CFAP91: variants seen among roughly 807,000 people sequenced by gnomAD.
CFAP91 encodes the protein cilia and flagella associated protein 91, also known as cilia- and flagella-associated protein 91.
CFAP91 carries 85 observed loss-of-function variants against 95.9 expected under a neutral mutation model. The ratio of observed to expected loss-of-function variants is 0.89; its 90% CI spans 0.74 to 1.06. The LOEUF is 1.06. Ranked by LOEUF, CFAP91 falls within the 50% of genes least tolerant of loss-of-function variation. The pLI, the probability that CFAP91 is intolerant of heterozygous loss-of-function variation, is 0.00. For synonymous variants in CFAP91, 335 were observed against 327.5 expected (o/e 1.02, Z -0.25); for missense variants, 962 against 943.4 (o/e 1.02, Z -0.26).
intron 14 of CFAP91, among the ~76,000 whole-genome samples, chr3:119,744,802 G>A (rs1214196866): frequency 6.6e-6 from 1 of 152,190 alleles, no homozygotes; most frequent in Non-Finnish European, 1.5e-5. Context: ...GGCCGAAGAT[G>A]TAAATTTGGA....
Position 119,730,231 on chromosome 3 carries a change from T to G in CFAP91, c.872T>G (p.Ile291Ser). ...TAATTTACTTGAAGACTGCAGGAGA[T>G]TCGCCTGGAAGTTCTAAAAGAGCTG... The part of the protein sequence containing the change: ...REQEIEKLQE[I>S]RLEVLKELLR... Residue 291 changes from isoleucine to serine, a missense_variant, in exon 8 of 18, where the codon ATT becomes AGT. Ile to Ser is a moderately radical substitution (Grantham distance 142). Transcript: ENST00000273390. The G allele has an allele frequency of 6.2e-7, 1 of 1,613,622 alleles. No homozygotes were observed. The highest frequency in any genetic ancestry group is 8.5e-7 in the Non-Finnish European group (1 of 1,179,894).
intron 17 of CFAP91, among the ~76,000 whole-genome samples, chr3:119,760,299 G>T (rs1265243184): frequency 6.6e-6 from 1 of 151,830 alleles, no homozygotes; most frequent in Non-Finnish European, 1.5e-5. Context: ...AAAGGTCATT[G>T]TGTGGTGATA....
intron 8 of CFAP91, 54 bp downstream of exon 8, chr3:119,730,431 A>C: frequency 1.3e-6 from 2 of 1,554,270 alleles, no homozygotes; most frequent in Non-Finnish European, 1.8e-6. Context: ...TTTGCTTTGG[A>C]TCTTTGACCA....
Position 119,730,234 on chromosome 3 carries a change from G to T in CFAP91, c.875G>T (p.Arg292Leu), listed in dbSNP as rs201238294. The T allele has an allele frequency of 1.7e-4, 277 of 1,613,600 alleles. 2 individuals are homozygous for T. The highest frequency in any genetic ancestry group is 1.5e-3 in the Middle Eastern group (9 of 6,060). ...EQEIEKLQEIRLEVLKELLRK... is the reference protein window; with the variant it reads ...EQEIEKLQEILLEVLKELLRK... The stretch of plus-strand genomic sequence containing the variant: ...TTTACTTGAAGACTGCAGGAGATTC[G>T]CCTGGAAGTTCTAAAAGAGCTGTTG... Residue 292 changes from arginine to leucine, a missense_variant, in exon 8 of 18, where the codon CGC becomes CTC. Coordinates refer to ENST00000273390, the MANE Select transcript of CFAP91 (RefSeq NM_033364.4).
Position 119,753,826 on chromosome 3 carries a change from C to A in CFAP91, c.*1+2728C>A, listed in dbSNP as rs934013555. On this transcript the variant is annotated intron_variant, in intron 17 of 17. Coordinates refer to ENST00000273390, the MANE Select transcript of CFAP91 (RefSeq NM_033364.4). ...CCTCATCCCCTTCCCACTCTTCCCC[C>A]CAAGTCCGCACAGTCCATTGTATCA... Among the ~76,000 whole-genome samples the A allele has an allele frequency of 2.0e-4, 30 of 152,340 alleles. No individual in the cohort carries two copies. In the East Asian group the frequency reaches 2.3e-3, roughly 12 times the overall value.
rs1050940794 is a variant in CFAP91, at chr3:119,758,425, G to A, written c.*2-6627G>A. 2.6e-4 allele frequency among the ~76,000 whole-genome samples: 39 copies of A among 152,102 alleles called. 2 individuals carry two copies. The highest frequency in any genetic ancestry group is 2.4e-5 in the African/African-American group (1 of 41,422). On this transcript the variant is annotated intron_variant, in intron 17 of 17. Transcript: ENST00000273390. ...TGCTATGAAAAGTTAAAACAAGAAG[G>A]AAGATCTCCATTCCTACATATATTT...
intron 17 of CFAP91, among the ~76,000 whole-genome samples, chr3:119,755,181 T>A (rs980735114): frequency 2.0e-5 from 3 of 152,176 alleles, no homozygotes; most frequent in African/African-American, 7.2e-5. Flanking sequence ...GACTTTGAAC[T>A]TTAGACTTTA....
intron 6 of CFAP91, among the ~76,000 whole-genome samples, chr3:119,725,044 T>G (rs2053755624): frequency 6.6e-6 from 1 of 152,214 alleles, no homozygotes; most frequent in East Asian, 1.9e-4. Context: ...GTGGTAGAAA[T>G]ATGACCTATT....
chr3:119,720,573 C>T (rs150708232), intron 6 of CFAP91, among the ~76,000 whole-genome samples: 147 of 152,216 alleles, frequency 9.7e-4, no homozygotes, highest in African/African-American at 3.2e-3. Flanking sequence ...AACAGTTTTA[C>T]AGGTAAGTTT....
chr3:119,723,423 T>C (rs2053723460), intron 6 of CFAP91, among the ~76,000 whole-genome samples: 1 of 152,206 alleles, frequency 6.6e-6, no homozygotes, highest in East Asian at 1.9e-4. Context: ...GGATGTTTGT[T>C]GCAACATTAT....
At chr3:119,718,108 A>AACAGAGAC (rs1453882709) in intron 6 of CFAP91, among the ~76,000 whole-genome samples, 1 of 152,210 alleles carries the variant, frequency 6.6e-6, no homozygotes, top group East Asian at 1.9e-4. Context: ...GCACACAAGG[A>AACAGAGAC]ACAGAGACAC....
intron 17 of CFAP91, among the ~76,000 whole-genome samples, chr3:119,764,788 A>AT (rs2054599867): frequency 6.6e-6 from 1 of 152,068 alleles, no homozygotes; most frequent in Non-Finnish European, 1.5e-5. Context: ...TTGTATTTTT[A>AT]TTTTTTTATG....
chr3:119,729,458 A>C (rs1247228067), intron 7 of CFAP91, among the ~76,000 whole-genome samples: 5 of 152,044 alleles, frequency 3.3e-5, no homozygotes, highest in Admixed American at 6.5e-5. Context: ...AGCCTGGCCA[A>C]TGTAGTGAAA....
chr3:119,703,286 G>A (rs766759998), intron 1 of CFAP91, 64 bp downstream of exon 1: 2 of 1,588,460 alleles, frequency 1.3e-6, no homozygotes, highest in South Asian at 2.3e-5. Context: ...GCTCCCAGAT[G>A]GTGGGACCTG....
At chr3:119,743,853 A>G in intron 13 of CFAP91, 122 bp from the exon 14 acceptor site, 1 of 896,314 alleles carries the variant, frequency 1.1e-6, no homozygotes, top group Non-Finnish European at 1.6e-6. Flanking sequence ...ATTCCCAGTA[A>G]AAATTAAATG....
intron 6 of CFAP91, among the ~76,000 whole-genome samples, chr3:119,724,650 C>T (rs1269550060): frequency 1.3e-5 from 2 of 152,092 alleles, no homozygotes; most frequent in African/African-American, 4.8e-5. Flanking sequence ...CCAAATGCAT[C>T]ATTGTGACTG....
chr3:119,745,513 A>G (rs759060245), intron 14 of CFAP91, among the ~76,000 whole-genome samples: 2 of 152,224 alleles, frequency 1.3e-5, no homozygotes, highest in African/African-American at 2.4e-5. Flanking sequence ...TACACGCACA[A>G]ACGTCTCCAG....
At chr3:119,742,732 G>C (rs535378911) in intron 13 of CFAP91, among the ~76,000 whole-genome samples, 94 of 152,300 alleles carry the variant, frequency 6.2e-4, no homozygotes, top group African/African-American at 2.0e-3. Flanking sequence ...TTTGTGGTTA[G>C]AAAGTGTGTG....
chr3:119,739,463 C>T, intron 12 of CFAP91, 137 bp downstream of exon 12: 2 of 720,534 alleles, frequency 2.8e-6, no homozygotes, highest in South Asian at 3.8e-5. Context: ...AGTTGCCTAC[C>T]CATTTCCTTC....
Sources: allele counts gnomAD v4.1 joint callset (sites outside exome capture counted in the v4.1 genomes callset), GRCh38; gene constraint gnomAD v4.1.1; transcripts MANE v1.5; gene names NCBI Gene and HGNC (gene_info 2026-07-23, HGNC 2026-07-21).